GPR158: variants seen among roughly 807,000 people sequenced by gnomAD.
GPR158 encodes the protein G protein-coupled receptor 158.
Under a neutral mutation model 78.2 loss-of-function variants are expected in GPR158, and 30 were observed. The ratio of observed to expected loss-of-function variants is 0.38; its 90% CI spans 0.29 to 0.52. The LOEUF is 0.52. Among genes scored for constraint, GPR158 ranks in the 20% least tolerant of loss-of-function variants. The pLI is 0.83. For synonymous variants in GPR158, 581 were observed against 591.1 expected, an observed-to-expected ratio of 0.98 and a Z score of 0.25; for missense variants, 1,463 against 1,523.5, an observed-to-expected ratio of 0.96 and a Z score of 0.66.
intron 2 of GPR158, among the ~76,000 whole-genome samples, chr10:25,264,597 A>AGATAAT (rs1332741418): frequency 6.6e-6 from 1 of 152,234 alleles, no homozygotes; most frequent in East Asian, 1.9e-4. Context: ...GAACTGTGAG[A>AGATAAT]GATAATAAGA....
intron 4 of GPR158, among the ~76,000 whole-genome samples, chr10:25,421,584 T>C (rs554825697): frequency 6.6e-6 from 1 of 152,292 alleles, no homozygotes; most frequent in East Asian, 1.9e-4. Context: ...TATTTACTTC[T>C]AGAGGTTTAT....
At chr10:25,338,460 TTACGTATATTATACGTATAATA>T (rs1564426182) in intron 2 of GPR158, among the ~76,000 whole-genome samples, 1 of 126,186 alleles carries the variant, frequency 7.9e-6, no homozygotes, top group African/African-American at 3.4e-5. Flanking sequence ...AATATATATA[TTACGTATATTATACGTATAATA>T]TACGTATAAT....
chr10:25,533,251 G>A (rs1254674230), intron 5 of GPR158, among the ~76,000 whole-genome samples: 1 of 152,164 alleles, frequency 6.6e-6, no homozygotes, highest in Non-Finnish European at 1.5e-5. Flanking sequence ...TTCCACACGT[G>A]GCTTGCTTCT....
intron 1 of GPR158, among the ~76,000 whole-genome samples, chr10:25,210,364 A>T (rs1853110833): frequency 6.6e-6 from 1 of 152,114 alleles, no homozygotes; most frequent in African/African-American, 2.4e-5. Flanking sequence ...ATGAGTGAGG[A>T]TTTCTTCAAA....
At chr10:25,351,912 T>C (rs537061822) in intron 2 of GPR158, among the ~76,000 whole-genome samples, 21 of 151,914 alleles carry the variant, frequency 1.4e-4, no homozygotes, top group African/African-American at 5.1e-4. Context: ...ACTCCAACCC[T>C]CAGACAGGCC....
Position 25,176,881 on chromosome 10 carries a change from G to A in GPR158, c.902+559G>A, listed in dbSNP as rs1049644479. On this transcript the variant is annotated intron_variant, in intron 1 of 10. Coordinates refer to ENST00000376351, the MANE Select transcript of GPR158 (RefSeq NM_020752.3). This position sits in a 1 kb window ranked among gnomAD's most constrained non-coding sequence, Gnocchi z 6.3. ...AACTGTGCCATCTCCTCGCAGTTCC[G>A]GCCCCTCAGCAGTGAGTCAGTCCCA... Among the ~76,000 whole-genome samples, 2 of 152,132 alleles carry A rather than the reference G, an allele frequency of 1.3e-5. No individual in the cohort carries two copies. The highest frequency in any genetic ancestry group is 4.8e-5 in the African/African-American group (2 of 41,418).
intron 2 of GPR158, among the ~76,000 whole-genome samples, chr10:25,314,530 T>C (rs935634788): frequency 6.6e-6 from 1 of 152,062 alleles, no homozygotes; most frequent in Non-Finnish European, 1.5e-5. Context: ...ATATTTTTTA[T>C]TTTTTCAAGA....
chr10:25,331,851 G>A (rs1172694855), intron 2 of GPR158, among the ~76,000 whole-genome samples: 2 of 152,210 alleles, frequency 1.3e-5, no homozygotes, highest in Non-Finnish European at 2.9e-5. Context: ...ATATGTGAGA[G>A]TGACAATGGC....
intron 2 of GPR158, among the ~76,000 whole-genome samples, chr10:25,237,207 A>G (rs946978157): frequency 1.3e-5 from 2 of 152,202 alleles, no homozygotes; most frequent in East Asian, 1.9e-4. Flanking sequence ...GATGAATTCT[A>G]TAGTTTACCA....
intron 4 of GPR158, among the ~76,000 whole-genome samples, chr10:25,461,833 G>T (rs1016379162): frequency 6.7e-6 from 1 of 150,034 alleles, no homozygotes; most frequent in Non-Finnish European, 1.5e-5. Flanking sequence ...CCGGGTTCAC[G>T]CCATTCTCCT....
intron 2 of GPR158, among the ~76,000 whole-genome samples, chr10:25,300,136 A>G (rs760906106): frequency 1.4e-4 from 21 of 152,316 alleles, no homozygotes; most frequent in Non-Finnish European, 2.6e-4. Context: ...TATATCTTAC[A>G]CTTCTGTAGA....
chr10:25,308,972 G>A (rs1350292572), intron 2 of GPR158, among the ~76,000 whole-genome samples: 2 of 152,200 alleles, frequency 1.3e-5, no homozygotes, highest in African/African-American at 2.4e-5. Context: ...CACTTGGGTT[G>A]TTTCCATGTT....
chr10:25,186,124 T>G (rs1217345670), intron 1 of GPR158, among the ~76,000 whole-genome samples: 1 of 152,166 alleles, frequency 6.6e-6, no homozygotes, highest in Non-Finnish European at 1.5e-5. Flanking sequence ...GAATGACTAC[T>G]GGGTACATAA....
intron 6 of GPR158, among the ~76,000 whole-genome samples, chr10:25,559,613 G>A (rs1836835860): frequency 1.3e-5 from 2 of 152,230 alleles, no homozygotes; most frequent in African/African-American, 4.8e-5. Context: ...AGAATGTTAT[G>A]AGAATGCTCA....
chr10:25,440,031 C>T (rs987244983), intron 4 of GPR158, among the ~76,000 whole-genome samples: 5 of 152,170 alleles, frequency 3.3e-5, no homozygotes, highest in African/African-American at 9.7e-5. Flanking sequence ...ATCATGTTCT[C>T]CTCCACACAC....
intron 5 of GPR158, among the ~76,000 whole-genome samples, chr10:25,480,233 A>G (rs1835647477): frequency 6.6e-6 from 1 of 152,130 alleles, no homozygotes; most frequent in Non-Finnish European, 1.5e-5. Context: ...AACATTCCTT[A>G]TCTGCCCCCT....
intron 4 of GPR158, among the ~76,000 whole-genome samples, chr10:25,431,375 A>G (rs1204145459): frequency 1.3e-5 from 2 of 148,478 alleles, no homozygotes; most frequent in Admixed American, 1.4e-4. Flanking sequence ...GCTGGAGAGG[A>G]TGTGGAGAAA....
At chr10:25,241,631 A>T (rs533099951) in intron 2 of GPR158, among the ~76,000 whole-genome samples, 131 of 152,176 alleles carry the variant, frequency 8.6e-4, no homozygotes, top group Non-Finnish European at 1.7e-3. Context: ...CATGTTGGCC[A>T]GGCTGATCTC....
chr10:25,190,841 T>C (rs536692609), intron 1 of GPR158, among the ~76,000 whole-genome samples: 1 of 152,288 alleles, frequency 6.6e-6, no homozygotes, highest in African/African-American at 2.4e-5. Context: ...TCCCTATCCA[T>C]AAACATGAAA....
Sources: allele counts gnomAD v4.1 joint callset (sites outside exome capture counted in the v4.1 genomes callset), GRCh38; gene constraint gnomAD v4.1.1; non-coding constraint Gnocchi (gnomAD v3.1); transcripts MANE v1.5; gene names NCBI Gene and HGNC (gene_info 2026-07-23, HGNC 2026-07-21).